The following SYT16 variants were observed in gnomAD, a reference collection of about 807,000 sequenced individuals.
The protein encoded by SYT16 is synaptotagmin-16.
A neutral mutation model predicts 61.4 loss-of-function variants in SYT16; 42 were observed. The ratio of observed to expected loss-of-function variants is 0.68; its 90% confidence interval spans 0.53 to 0.89. The LOEUF (loss-of-function observed/expected upper bound fraction) is 0.89, where lower values mean the gene tolerates loss of function less well. Among genes scored for constraint, SYT16 ranks in the 40% least tolerant of loss-of-function variants. The pLI is 0.00. For synonymous variants in SYT16, 314 were observed against 302.3 expected (o/e 1.04, Z -0.40); for missense variants, 804 against 807.3 (o/e 1.00, Z 0.05).
intron 2 of SYT16, among the ~76,000 whole-genome samples, chr14:61,991,165 C>T (rs1566743371): frequency 6.6e-6 from 1 of 152,150 alleles, no homozygotes; most frequent in Admixed American, 6.6e-5. Context: ...CACACACACA[C>T]ATACACACAC....
Position 62,104,700 on chromosome 14 carries a change from C to T in SYT16, c.*3993C>T, listed in dbSNP as rs2057483061. On this transcript the variant is annotated 3_prime_UTR_variant, in exon 8 of 8. Transcript: ENST00000683842. ...CTAAGACAATGAGATTGGCATAGCA[C>T]AGTGAAGTTGGCACAAACTGTGATC... 1 of 152,194 alleles carries T rather than the reference C, an allele frequency of 6.6e-6. No homozygotes were observed. Among genetic ancestry groups the T allele is most frequent in the African/African-American group, 2.4e-5 (1 of 41,450 alleles). 9.4% of individuals were successfully genotyped at this position (152,194 alleles called of 1,614,324 possible).
At chr14:62,068,031 A>G (rs1014093533) in intron 3 of SYT16, among the ~76,000 whole-genome samples, 3 of 152,104 alleles carry the variant, frequency 2.0e-5, no homozygotes, top group Non-Finnish European at 4.4e-5. Flanking sequence ...ATGATCCACA[A>G]GTCCATCTTC....
intron 1 of SYT16, among the ~76,000 whole-genome samples, chr14:61,938,305 G>A (rs918951170): frequency 6.6e-6 from 1 of 152,000 alleles, no homozygotes; most frequent in East Asian, 1.9e-4. Context: ...GAGGATACAA[G>A]GAATATTAGA....
intron 7 of SYT16, among the ~76,000 whole-genome samples, chr14:62,098,288 A>G (rs1481617509): frequency 6.6e-6 from 1 of 152,248 alleles, no homozygotes; most frequent in Non-Finnish European, 1.5e-5. Context: ...AACAGAATGT[A>G]CAGAATGATT....
At chr14:61,873,995 C>G (rs1033331146) in intron 1 of SYT16, among the ~76,000 whole-genome samples, 1 of 152,104 alleles carries the variant, frequency 6.6e-6, no homozygotes, top group African/African-American at 2.4e-5. Flanking sequence ...CATTAATACT[C>G]AGAATAATTA....
chr14:62,089,185 G>A (rs1024705496), intron 7 of SYT16, among the ~76,000 whole-genome samples: 4 of 152,068 alleles, frequency 2.6e-5, no homozygotes, highest in African/African-American at 9.7e-5. Context: ...CAGGCATGGT[G>A]GCAGGTGCCT....
intron 1 of SYT16, among the ~76,000 whole-genome samples, chr14:61,837,146 A>T (rs571667090): frequency 9.2e-5 from 14 of 152,082 alleles, no homozygotes; most frequent in African/African-American, 3.4e-4. Context: ...TTCAGTGGTA[A>T]GTCTGTGCTG....
intron 1 of SYT16, among the ~76,000 whole-genome samples, chr14:61,851,912 T>G (rs1049924930): frequency 1.3e-5 from 2 of 152,220 alleles, no homozygotes; most frequent in Non-Finnish European, 2.9e-5. Flanking sequence ...TTTAATTAGA[T>G]CCCATTTGTC....
intron 3 of SYT16, among the ~76,000 whole-genome samples, chr14:62,051,905 A>G (rs2055319484): frequency 6.6e-6 from 1 of 152,080 alleles, no homozygotes; most frequent in Non-Finnish European, 1.5e-5. Context: ...GGTGGCACAC[A>G]CCTGTAGTCT....
At chr14:61,875,822 G>A (rs2047470475) in intron 1 of SYT16, among the ~76,000 whole-genome samples, 1 of 152,208 alleles carries the variant, frequency 6.6e-6, no homozygotes, top group Non-Finnish European at 1.5e-5. Flanking sequence ...GGGAACACTG[G>A]GTGATCTCTG....
intron 1 of SYT16, among the ~76,000 whole-genome samples, chr14:61,912,166 G>A (rs1594896618): frequency 1.3e-5 from 2 of 152,170 alleles, no homozygotes; most frequent in East Asian, 1.9e-4. Context: ...CTGGGTACAT[G>A]TCCCATGCTG....
At chr14:61,972,270 G>T (rs1331545883) in intron 2 of SYT16, among the ~76,000 whole-genome samples, 2 of 152,154 alleles carry the variant, frequency 1.3e-5, no homozygotes, top group East Asian at 3.9e-4. Context: ...TTTCTCCTTT[G>T]CAAACTATAA....
rs759361937 is a variant in SYT16, at chr14:61,993,893, A to T, written c.-144-1983A>T. Among the ~76,000 whole-genome samples the T allele has an allele frequency of 7.7e-4, 117 of 152,286 alleles. 1 individual carries two copies. Among genetic ancestry groups the T allele is most frequent in the Non-Finnish European group, 3.5e-4 (24 of 68,010 alleles). The stretch of plus-strand genomic sequence containing the variant: ...TGAGAATTCACTATGTGCTCAGCAC[A>T]CTTCTAGGCAATGGGGATAAAATAG... On this transcript the variant is annotated intron_variant, in intron 2 of 7. Transcript: ENST00000683842.
In SYT16 at chr14:62,104,479, A is replaced by G. The variant is rs1479483709; in HGVS notation, c.*3772A>G. ...TGGGCAAAGTCATTTACAACAAAATAAAAAGTCATACAGCACACCTATGGA... is the reference window on the plus strand; with the variant it reads ...TGGGCAAAGTCATTTACAACAAAATGAAAAGTCATACAGCACACCTATGGA... On this transcript the variant is annotated 3_prime_UTR_variant, in exon 8 of 8. Transcript: ENST00000683842. 1.3e-5 allele frequency: 2 copies of G among 152,252 alleles called. No homozygotes were observed. Among genetic ancestry groups the G allele is most frequent in the Admixed American group, 1.3e-4 (2 of 15,282 alleles). 9.4% of individuals were successfully genotyped at this position (152,252 alleles called of 1,614,324 possible). A position where few individuals can be genotyped will look rare whatever the true frequency, so the allele number is the denominator to read the frequency against.
At chr14:61,990,449 C>G (rs1487386303) in intron 2 of SYT16, among the ~76,000 whole-genome samples, 1 of 152,142 alleles carries the variant, frequency 6.6e-6, no homozygotes, top group Non-Finnish European at 1.5e-5. Flanking sequence ...CAAGTGATTT[C>G]TCCTTCAAGA....
At chr14:62,089,078 G>C (rs899178917) in intron 7 of SYT16, among the ~76,000 whole-genome samples, 1 of 152,026 alleles carries the variant, frequency 6.6e-6, no homozygotes, top group Non-Finnish European at 1.5e-5. Context: ...AGCACTTTGG[G>C]GGGCCCAGGT....
intron 1 of SYT16, among the ~76,000 whole-genome samples, chr14:61,886,205 C>A (rs2047894768): frequency 6.6e-6 from 1 of 152,032 alleles, no homozygotes; most frequent in Non-Finnish European, 1.5e-5. Context: ...ACCTCGTGAT[C>A]CGCCTGCCTC....
intron 3 of SYT16, among the ~76,000 whole-genome samples, chr14:62,059,063 C>G (rs946602611): frequency 2.6e-5 from 4 of 152,046 alleles, no homozygotes; most frequent in African/African-American, 9.7e-5. Context: ...GACCCTGGGA[C>G]CTTTGGGAAG....
At chr14:61,937,015 T>C (rs1216547571) in intron 1 of SYT16, among the ~76,000 whole-genome samples, 4 of 152,212 alleles carry the variant, frequency 2.6e-5, no homozygotes, top group African/African-American at 7.2e-5. Flanking sequence ...AACCATGAAC[T>C]TGTCTTACAG....
Sources: allele counts gnomAD v4.1 joint callset (sites outside exome capture counted in the v4.1 genomes callset), GRCh38; gene constraint gnomAD v4.1.1; transcripts MANE v1.5; gene names NCBI Gene and HGNC (gene_info 2026-07-23, HGNC 2026-07-21).